Variants in ANGPT1 observed in about 807,000 individuals in gnomAD.
ANGPT1 encodes the protein angiopoietin 1.
Under a neutral mutation model 62.2 loss-of-function variants are expected in ANGPT1, and 17 were observed. That is an observed-to-expected ratio of 0.27 (90% CI 0.19 to 0.41). ANGPT1 has a LOEUF of 0.41. Among genes scored for constraint, ANGPT1 ranks in the 10% least tolerant of loss-of-function variants. The pLI, the probability that ANGPT1 is intolerant of heterozygous loss-of-function variation, is 1.00. For synonymous variants in ANGPT1, 199 were observed against 198.9 expected, an observed-to-expected ratio of 1.00 and a Z score of 0.00; for missense variants, 478 against 594.9, an observed-to-expected ratio of 0.80 and a Z score of 2.04.
chr8:107,389,091 C>G (rs995547259), intron 1 of ANGPT1, among the ~76,000 whole-genome samples: 2 of 152,014 alleles, frequency 1.3e-5, no homozygotes, highest in Admixed American at 1.3e-4. Flanking sequence ...GCCATGATGA[C>G]CCAGTACTAA....
chr8:107,451,607 T>C (rs1811780845), intron 1 of ANGPT1, among the ~76,000 whole-genome samples: 1 of 151,948 alleles, frequency 6.6e-6, no homozygotes, highest in Non-Finnish European at 1.5e-5. Context: ...CCCTTAAACA[T>C]GGAACTTGTT....
intron 1 of ANGPT1, among the ~76,000 whole-genome samples, chr8:107,455,000 T>C (rs58701473): frequency 0.039 from 5,905 of 152,108 alleles, 350 homozygotes; most frequent in African/African-American, 0.13. Context: ...CTTTGGCTTC[T>C]ATATGTCTTC....
chr8:107,365,720 G>C (rs1013877103), intron 1 of ANGPT1, among the ~76,000 whole-genome samples: 1 of 152,110 alleles, frequency 6.6e-6, no homozygotes, highest in Admixed American at 6.6e-5. Context: ...GCAATCACTA[G>C]AAGAGAATAA....
At chr8:107,470,183 T>A (rs1812315160) in intron 1 of ANGPT1, among the ~76,000 whole-genome samples, 1 of 152,092 alleles carries the variant, frequency 6.6e-6, no homozygotes, top group African/African-American at 2.4e-5. Flanking sequence ...AATGATATAG[T>A]TCTGATTTCT....
intron 1 of ANGPT1, among the ~76,000 whole-genome samples, chr8:107,451,089 C>T (rs1163891989): frequency 6.6e-6 from 1 of 151,704 alleles, no homozygotes; most frequent in East Asian, 1.9e-4. Context: ...TACCTTTAAT[C>T]ACGGCCAGAG....
chr8:107,446,395 G>T, intron 1 of ANGPT1, among the ~76,000 whole-genome samples: 1 of 152,152 alleles, frequency 6.6e-6, no homozygotes, highest in East Asian at 1.9e-4. Context: ...GCCCCATGTG[G>T]CTAGCTGCTA....
chr8:107,477,840 C>A (rs16876344), intron 1 of ANGPT1, among the ~76,000 whole-genome samples: 3,739 of 152,068 alleles, frequency 0.025, 131 homozygotes, highest in African/African-American at 0.083. Context: ...CTACCCCGAC[C>A]CAATTTCTTT....
chr8:107,439,935 C>T (rs1811429834), intron 1 of ANGPT1, among the ~76,000 whole-genome samples: 1 of 152,102 alleles, frequency 6.6e-6, no homozygotes, highest in Non-Finnish European at 1.5e-5. Flanking sequence ...TTAGTCTGGA[C>T]ATGGTGGGTA....
chr8:107,333,277 G>C (rs2130108061), intron 3 of ANGPT1, among the ~76,000 whole-genome samples: 1 of 152,072 alleles, frequency 6.6e-6, no homozygotes, highest in Non-Finnish European at 1.5e-5. Flanking sequence ...GATAACTATA[G>C]AGATACAGCA....
intron 1 of ANGPT1, among the ~76,000 whole-genome samples, chr8:107,403,810 C>G (rs2130337974): frequency 6.6e-6 from 1 of 152,154 alleles, no homozygotes; most frequent in African/African-American, 2.4e-5. Flanking sequence ...TTCCTTGGCT[C>G]TGCTTGAAAG....
chr8:107,417,855 T>C (rs181190687), intron 1 of ANGPT1, among the ~76,000 whole-genome samples: 9 of 152,306 alleles, frequency 5.9e-5, no homozygotes, highest in Admixed American at 2.6e-4. Flanking sequence ...TTGAACAACA[T>C]TGACATCTTA....
chr8:107,253,909 G>T (rs1415142297), intron 8 of ANGPT1, among the ~76,000 whole-genome samples: 1 of 152,162 alleles, frequency 6.6e-6, no homozygotes, highest in Admixed American at 6.5e-5. Flanking sequence ...GCAATGAGTA[G>T]AATGGCATTT....
intron 3 of ANGPT1, among the ~76,000 whole-genome samples, chr8:107,328,466 A>T (rs887313668): frequency 2.6e-5 from 4 of 151,876 alleles, no homozygotes; most frequent in Non-Finnish European, 4.4e-5. Context: ...GCAACTAAGA[A>T]AAAAAAAGAT....
chr8:107,409,091 CCT>C (rs1274364071), intron 1 of ANGPT1, among the ~76,000 whole-genome samples: 1 of 152,124 alleles, frequency 6.6e-6, no homozygotes, highest in Non-Finnish European at 1.5e-5. Flanking sequence ...GCATGCAACT[CCT>C]CTCTGATTAA....
At chr8:107,358,742 T>C (rs1048042801) in intron 1 of ANGPT1, among the ~76,000 whole-genome samples, 2 of 152,220 alleles carry the variant, frequency 1.3e-5, no homozygotes, top group African/African-American at 4.8e-5. Flanking sequence ...ATACTTTATA[T>C]ATTCATTAAC....
At chr8:107,452,319 G>T (rs544851988) in intron 1 of ANGPT1, among the ~76,000 whole-genome samples, 55 of 151,486 alleles carry the variant, frequency 3.6e-4, no homozygotes, top group South Asian at 2.5e-3. Context: ...AGAGACCATG[G>T]ACCATCAAGC....
intron 6 of ANGPT1, among the ~76,000 whole-genome samples, chr8:107,292,587 C>G (rs1814304676): frequency 6.6e-6 from 1 of 152,152 alleles, no homozygotes; most frequent in South Asian, 2.1e-4. Flanking sequence ...TTGCTGGCTT[C>G]AGCCTACCTT....
chr8:107,411,839 CTCTT>C (rs1340095778), intron 1 of ANGPT1, among the ~76,000 whole-genome samples: 1 of 152,118 alleles, frequency 6.6e-6, no homozygotes, highest in Non-Finnish European at 1.5e-5. Context: ...CAATCTTTCT[CTCTT>C]TCTTCTATAA....
intron 3 of ANGPT1, among the ~76,000 whole-genome samples, chr8:107,329,983 A>G (rs1815383154): frequency 6.6e-6 from 1 of 152,154 alleles, no homozygotes; most frequent in Non-Finnish European, 1.5e-5. Context: ...GCTATCACAT[A>G]GGTCATAATG....
Sources: gnomAD v4.1 joint callset for allele counts (sites outside exome capture counted in the v4.1 genomes callset) on GRCh38, gnomAD v4.1.1 for gene constraint, MANE v1.5 for transcripts, NCBI Gene and HGNC (gene_info 2026-07-23, HGNC 2026-07-21) for gene names.